Variants in PIBF1 observed in about 807,000 individuals in gnomAD.
The protein encoded by PIBF1 is progesterone-induced-blocking factor 1.
Under a neutral mutation model 112.5 loss-of-function variants are expected in PIBF1, and 90 were observed. The ratio of observed to expected loss-of-function variants is 0.80; its 90% CI spans 0.67 to 0.95. The LOEUF (loss-of-function observed/expected upper bound fraction) is 0.95, where lower values mean the gene tolerates loss of function less well. Ranked by LOEUF, PIBF1 falls within the 40% of genes least tolerant of loss-of-function variation. The pLI, the probability that PIBF1 is intolerant of heterozygous loss-of-function variation, is 0.00. For synonymous variants in PIBF1, 301 were observed against 288.6 expected (o/e 1.04, Z -0.44); for missense variants, 915 against 852.3 (o/e 1.07, Z -0.92).
At chr13:72,933,690 G>A (rs377086594) in intron 14 of PIBF1, among the ~76,000 whole-genome samples, 55 of 152,070 alleles carry the variant, frequency 3.6e-4, no homozygotes, top group African/African-American at 1.3e-3. Context: ...ATTTCTAAAT[G>A]TGAACACACG....
At chr13:72,954,434 CAGG>C (rs1453207632) in intron 14 of PIBF1, among the ~76,000 whole-genome samples, 1 of 152,208 alleles carries the variant, frequency 6.6e-6, no homozygotes, top group African/African-American at 2.4e-5. Context: ...TTGCGAATCT[CAGG>C]AGCTCTTTTC....
At chr13:72,829,175 T>A (rs2036977814) in intron 8 of PIBF1, among the ~76,000 whole-genome samples, 1 of 152,228 alleles carries the variant, frequency 6.6e-6, no homozygotes. Context: ...ATTCTGGATA[T>A]TAGCCCTTTG....
At chr13:72,952,779 A>T (rs182502712) in intron 14 of PIBF1, among the ~76,000 whole-genome samples, 208 of 150,888 alleles carry the variant, frequency 1.4e-3, no homozygotes, top group African/African-American at 4.9e-3. Context: ...TCAGATGCTG[A>T]TGATAGTAGT....
intron 11 of PIBF1, among the ~76,000 whole-genome samples, chr13:72,894,295 G>A (rs1331066562): frequency 6.6e-6 from 1 of 151,940 alleles, no homozygotes; most frequent in East Asian, 1.9e-4. Context: ...AGGGAATGAA[G>A]TATACATTTT....
intron 5 of PIBF1, among the ~76,000 whole-genome samples, chr13:72,801,257 T>G (rs755392750): frequency 6.6e-6 from 1 of 152,142 alleles, no homozygotes; most frequent in Non-Finnish European, 1.5e-5. Flanking sequence ...CAACATGGGT[T>G]TGAACTGTGT....
At chr13:72,928,406 A>T (rs2041599663) in intron 13 of PIBF1, among the ~76,000 whole-genome samples, 1 of 152,102 alleles carries the variant, frequency 6.6e-6, no homozygotes, top group South Asian at 2.1e-4. Context: ...TGAAGAAAGT[A>T]GTCCTGGTGT....
At chr13:72,785,763 T>C (rs936989883) in intron 2 of PIBF1, among the ~76,000 whole-genome samples, 28 of 152,220 alleles carry the variant, frequency 1.8e-4, no homozygotes, top group Admixed American at 1.8e-3. Flanking sequence ...ATTCATTAAT[T>C]CACCCACTCA....
At chr13:72,820,696 T>C (rs567159445) in intron 5 of PIBF1, among the ~76,000 whole-genome samples, 3 of 152,292 alleles carry the variant, frequency 2.0e-5, no homozygotes, top group African/African-American at 7.2e-5. Context: ...CCAGTCAGTA[T>C]GTGTGGAGTG....
chr13:72,876,134 C>CTTTT (rs386363749), intron 10 of PIBF1, among the ~76,000 whole-genome samples: 57,674 of 90,662 alleles, frequency 0.64, 19,852 homozygotes, highest in South Asian at 0.76. Flanking sequence ...TGTTCAGATT[C>CTTTT]TTTTTTTTTT....
At chr13:72,887,166 T>C (rs1430856849) in intron 10 of PIBF1, among the ~76,000 whole-genome samples, 1 of 151,780 alleles carries the variant, frequency 6.6e-6, no homozygotes, top group Non-Finnish European at 1.5e-5. Context: ...TCCAGGTATA[T>C]ATTTAAAATT....
intron 14 of PIBF1, among the ~76,000 whole-genome samples, chr13:72,964,881 C>G (rs9543186): frequency 0.73 from 111,529 of 151,962 alleles, 41,223 homozygotes; most frequent in South Asian, 0.8. Context: ...GGCCAACATG[C>G]TGAAACCCCA....
Position 72,821,977 on chromosome 13 carries a change from C to A in PIBF1, c.801C>A (p.Val267=). 6.2e-7 allele frequency: 1 copy of A among 1,609,454 alleles called. No individual in the cohort carries two copies. The highest frequency in any genetic ancestry group is 8.5e-7 in the Non-Finnish European group (1 of 1,177,946). The change falls in exon 6 of 18, where the codon GTC becomes GTA. Residue 267 remains valine (V), a synonymous_variant. Transcript: ENST00000326291. ...GDYRQENYDK[V]KSERDALEQE... is the part of the protein sequence containing the mutation. ...ACCGTCAAGAGAACTATGATAAAGT[C>A]AAGAGGTAAGTAGTTAAAATGGCTG...
At chr13:72,809,981 G>C (rs1332542971) in intron 5 of PIBF1, among the ~76,000 whole-genome samples, 1 of 152,056 alleles carries the variant, frequency 6.6e-6, no homozygotes, top group South Asian at 2.1e-4. Context: ...ATTTTTTCCA[G>C]ATCTTTAGTT....
chr13:72,977,163 T>A (rs918716697), intron 16 of PIBF1, among the ~76,000 whole-genome samples: 1 of 146,426 alleles, frequency 6.8e-6, no homozygotes, highest in Non-Finnish European at 1.5e-5. Flanking sequence ...ATTGGACAGC[T>A]CTTGCTTTAA....
At chr13:72,867,235 G>A (rs1452504822) in intron 10 of PIBF1, among the ~76,000 whole-genome samples, 1 of 152,074 alleles carries the variant, frequency 6.6e-6, no homozygotes, top group Non-Finnish European at 1.5e-5. Flanking sequence ...CTCTCTCTTT[G>A]TCTGCCACCA....
intron 15 of PIBF1, among the ~76,000 whole-genome samples, chr13:72,972,683 T>C (rs185784713): frequency 8.5e-4 from 130 of 152,236 alleles, no homozygotes; most frequent in African/African-American, 3.0e-3. Flanking sequence ...AAAAATGTTT[T>C]TACCTATTTA....
At chr13:72,968,045 G>A (rs559197624) in intron 15 of PIBF1, among the ~76,000 whole-genome samples, 8 of 151,640 alleles carry the variant, frequency 5.3e-5, no homozygotes, top group Admixed American at 2.0e-4. Context: ...TTAGCCGGGC[G>A]TAGTGGCGGG....
chr13:72,892,948 T>C (rs910921597), intron 10 of PIBF1, among the ~76,000 whole-genome samples: 2 of 152,182 alleles, frequency 1.3e-5, no homozygotes, highest in African/African-American at 4.8e-5. Context: ...CAGAAAACTA[T>C]AAGTTCTTTT....
intron 10 of PIBF1, among the ~76,000 whole-genome samples, chr13:72,892,155 G>A (rs1379743647): frequency 6.6e-6 from 1 of 152,082 alleles, no homozygotes; most frequent in Non-Finnish European, 1.5e-5. Flanking sequence ...TGTTAAAAGA[G>A]TGAATTTTAT....
Sources: allele counts gnomAD v4.1 joint callset (sites outside exome capture counted in the v4.1 genomes callset), GRCh38; gene constraint gnomAD v4.1.1; transcripts MANE v1.5; gene names NCBI Gene and HGNC (gene_info 2026-07-23, HGNC 2026-07-21).